The following ZZEF1 variants were observed in gnomAD, a reference collection of about 807,000 sequenced individuals.
ZZEF1 encodes the protein zinc finger ZZ-type and EF-hand domain containing 1.
In ZZEF1, 157 loss-of-function variants were observed where a neutral mutation model predicts 342.8. The ratio of observed to expected loss-of-function variants is 0.46; its 90% CI spans 0.40 to 0.52. ZZEF1 has a LOEUF of 0.52. ZZEF1 is among the 20% of genes least tolerant of loss of function. The pLI is 0.00. For missense variants in ZZEF1, 3,480 were observed against 3,725.6 expected (o/e 0.93, Z 1.72); for synonymous variants, 1,505 against 1,429.1 (o/e 1.05, Z -1.20).
chr17:4,113,671 A>T (rs1361185862), intron 4 of ZZEF1, among the ~76,000 whole-genome samples: 4 of 147,348 alleles, frequency 2.7e-5, no homozygotes, highest in African/African-American at 1.0e-4. Flanking sequence ...TCTCAAAAAA[A>T]AAAAAAGAAG....
intron 36 of ZZEF1, among the ~76,000 whole-genome samples, chr17:4,050,269 T>G (rs1341076947): frequency 1.3e-5 from 2 of 152,216 alleles, no homozygotes; most frequent in Admixed American, 1.3e-4. Context: ...TTCCCTAATG[T>G]TGACTAGAAT....
intron 1 of ZZEF1, among the ~76,000 whole-genome samples, chr17:4,126,004 A>G (rs1438861494): frequency 1.3e-5 from 2 of 152,024 alleles, no homozygotes; most frequent in African/African-American, 4.8e-5. Flanking sequence ...AGGTGGGTGA[A>G]TCATGAGGTC....
chr17:4,025,237 C>G, intron 42 of ZZEF1, 119 bp from the exon 43 acceptor site: 1 of 998,138 alleles, frequency 1.0e-6, no homozygotes, highest in Non-Finnish European at 1.5e-6. Context: ...ACATAAATCT[C>G]TCGGGCTCAG....
chr17:4,077,791 G>T, intron 19 of ZZEF1, 92 bp downstream of exon 19: 1 of 1,330,534 alleles, frequency 7.5e-7, no homozygotes, highest in East Asian at 2.3e-5. Flanking sequence ...AAAGCCATAT[G>T]CACACTCATT....
chr17:4,004,935 T>TG lies in ZZEF1; in HGVS notation c.*1954dup, dbSNP rs1957010473. ...AAGGGCAGTGGGCGGACAGGTGCTC[T>TG]GGGGAGCCCAGCGTTTATTTACAGC... On this transcript the variant is annotated 3_prime_UTR_variant, in exon 55 of 55. Transcript: ENST00000381638. 1 of 152,370 alleles carries TG rather than the reference T, an allele frequency of 6.6e-6. No individual in the cohort carries two copies. The highest frequency in any genetic ancestry group is 2.1e-4 in the South Asian group (1 of 4,838). 9.4% of individuals were successfully genotyped at this position (152,370 alleles called of 1,614,324 possible).
chr17:4,080,402 C>T (rs1217806744), intron 18 of ZZEF1, among the ~76,000 whole-genome samples: 1 of 152,002 alleles, frequency 6.6e-6, no homozygotes, highest in East Asian at 1.9e-4. Flanking sequence ...TGCTATGGCG[C>T]GATCTTGGCT....
intron 6 of ZZEF1, among the ~76,000 whole-genome samples, chr17:4,107,076 C>G (rs1438213705): frequency 1.3e-5 from 2 of 152,200 alleles, no homozygotes; most frequent in Non-Finnish European, 2.9e-5. Flanking sequence ...CGATCATTTA[C>G]TGAATTTATT....
intron 46 of ZZEF1, among the ~76,000 whole-genome samples, chr17:4,018,395 T>A (rs2056173692): frequency 6.6e-6 from 1 of 152,032 alleles, no homozygotes; most frequent in Non-Finnish European, 1.5e-5. Flanking sequence ...GATTACAGGC[T>A]CATACCACCA....
At chr17:4,080,192 A>G (rs1382294307) in intron 18 of ZZEF1, among the ~76,000 whole-genome samples, 3 of 152,236 alleles carry the variant, frequency 2.0e-5, no homozygotes, top group African/African-American at 7.2e-5. Context: ...CTTGGAGCAT[A>G]AACTACATTT....
At chr17:4,088,943 A>G in intron 12 of ZZEF1, 50 bp from the exon 13 acceptor site, 4 of 1,580,468 alleles carry the variant, frequency 2.5e-6, no homozygotes, top group Non-Finnish European at 3.5e-6. Flanking sequence ...ATCCCTGAAT[A>G]TTGATTAAAG....
chr17:4,043,059 C>T (rs1461455050), intron 38 of ZZEF1, among the ~76,000 whole-genome samples: 1 of 152,206 alleles, frequency 6.6e-6, no homozygotes, highest in Non-Finnish European at 1.5e-5. Flanking sequence ...CCTGCCTGAG[C>T]CCTGTTTAAA....
intron 25 of ZZEF1, among the ~76,000 whole-genome samples, chr17:4,072,297 C>T (rs2057525146): frequency 6.6e-6 from 1 of 152,228 alleles, no homozygotes; most frequent in African/African-American, 2.4e-5. Context: ...AATCATTGCT[C>T]TAAAGCTTGA....
chr17:4,036,932 A>G (rs2056686940), intron 39 of ZZEF1, among the ~76,000 whole-genome samples: 1 of 151,880 alleles, frequency 6.6e-6, no homozygotes, highest in South Asian at 2.1e-4. Flanking sequence ...AGCCATTTCA[A>G]CATACTATCC....
rs570895848 is a variant in ZZEF1 at position 4,065,057 on chromosome 17, G to T, written c.4250-228C>A. On this transcript the variant is annotated intron_variant, in intron 28 of 54. Coordinates refer to ENST00000381638, the MANE Select transcript of ZZEF1 (RefSeq NM_015113.4). ...AAGTTTAAATTTATTGCCTACTTCT[G>T]TAGAGAAAATAAGTTAAATGTCACA... Among the ~76,000 whole-genome samples, 11 of 152,214 alleles carry T rather than the reference G, an allele frequency of 7.2e-5. No individual in the cohort carries two copies. In the East Asian group the frequency reaches 1.7e-3, roughly 24 times the overall value.
In ZZEF1 at chr17:4,108,842, C is replaced by T. The variant is rs575662141; in HGVS notation, c.1277+811G>A. Among the ~76,000 whole-genome samples, 265 of 152,336 alleles carry T rather than the reference C, an allele frequency of 1.7e-3. 1 individual carries two copies. The highest frequency in any genetic ancestry group is 3.0e-3 in the Admixed American group (46 of 15,296). ...TATGGCCAACTATTAACCTTCAGAG[C>T]AGCAGTGTTATTTGCTAACAGTTTT... On this transcript the variant is annotated intron_variant, in intron 6 of 54. Coordinates refer to ENST00000381638, the MANE Select transcript of ZZEF1 (RefSeq NM_015113.4).
In ZZEF1 at chr17:4,074,326, C is replaced by A; in HGVS notation, c.3509G>T (p.Arg1170Leu). ...PKKVTFKAGPRLQFLFHSDSS... is the reference protein window; with the variant it reads ...PKKVTFKAGPLLQFLFHSDSS... ...GTCAGAGTGAAAGAGGAACTGCAAC[C>A]GAGGACCGGCCTTGAAGGTCACTTT... is the stretch of plus-strand genomic sequence containing the variant. Residue 1170 changes from arginine to leucine, a missense_variant, in exon 24 of 55, where the codon CGG (arginine) becomes CTG (leucine). By Grantham distance (102) the Arg-to-Leu change is moderately radical. Around this residue, in one of 5 missense-constraint regions of ZZEF1, gnomAD observed 1,528 missense variants for 1,624.1 expected, o/e 0.94. Coordinates refer to ENST00000381638, the MANE Select transcript of ZZEF1 (RefSeq NM_015113.4). 6.2e-7 allele frequency: 1 copy of A among 1,614,100 alleles called. No individual in the cohort carries two copies. The highest frequency in any genetic ancestry group is 8.5e-7 in the Non-Finnish European group (1 of 1,180,024).
At chr17:4,113,888 G>C (rs1597911768) in intron 4 of ZZEF1, among the ~76,000 whole-genome samples, 1 of 151,636 alleles carries the variant, frequency 6.6e-6, no homozygotes. Flanking sequence ...AGGACTGCTT[G>C]AACCCAGGAG....
intron 42 of ZZEF1, among the ~76,000 whole-genome samples, chr17:4,029,874 C>CA (rs58293642): frequency 0.02 from 1,673 of 81,998 alleles, 32 homozygotes; most frequent in South Asian, 0.03. Context: ...AACTCCATCT[C>CA]AAAAAAAAAA....
At chr17:4,132,541 A>G (rs1429098893) in intron 1 of ZZEF1, among the ~76,000 whole-genome samples, 2 of 152,020 alleles carry the variant, frequency 1.3e-5, no homozygotes, top group Admixed American at 6.6e-5. Context: ...TACTAAAAAT[A>G]CAAAAAATTA....
Sources: gnomAD v4.1 joint callset for allele counts (sites outside exome capture counted in the v4.1 genomes callset) on GRCh38, gnomAD v4.1.1 for gene constraint, gnomAD v4.1.1 regional missense constraint, MANE v1.5 for transcripts, NCBI Gene and HGNC (gene_info 2026-07-23, HGNC 2026-07-21) for gene names.